ROBO1: variants seen among roughly 807,000 people sequenced by gnomAD.
ROBO1 encodes roundabout homolog 1.
A neutral mutation model predicts 195.9 loss-of-function variants in ROBO1; 149 were observed. The ratio of observed to expected loss-of-function variants is 0.76; its 90% CI spans 0.67 to 0.87. ROBO1 has a LOEUF of 0.87. Ranked by LOEUF, ROBO1 falls within the 40% of genes least tolerant of loss-of-function variation. The pLI, the probability that ROBO1 is intolerant of heterozygous loss-of-function variation, is 0.00. For synonymous variants in ROBO1, 816 were observed against 733.2 expected, an observed-to-expected ratio of 1.11 and a Z score of -1.82; for missense variants, 1,933 against 2,068.3, an observed-to-expected ratio of 0.93 and a Z score of 1.27.
chr3:78,647,721 T>C, intron 19 of ROBO1, 66 bp from the exon 20 acceptor site: 1 of 1,293,404 alleles, frequency 7.7e-7, no homozygotes, highest in Non-Finnish European at 1.1e-6. Flanking sequence ...CATATCACAT[T>C]AGTATAAATC....
chr3:78,672,910 G>A (rs899081757), intron 10 of ROBO1, among the ~76,000 whole-genome samples: 1 of 152,148 alleles, frequency 6.6e-6, no homozygotes, highest in Non-Finnish European at 1.5e-5. Flanking sequence ...GTCAGAAAAT[G>A]TTAGCACCAT....
At chr3:79,665,146 C>A (rs563929370) in intron 1 of ROBO1, among the ~76,000 whole-genome samples, 3 of 151,818 alleles carry the variant, frequency 2.0e-5, no homozygotes, top group East Asian at 3.9e-4. Flanking sequence ...ATTATAATAA[C>A]ACATCAGAGG....
intron 2 of ROBO1, among the ~76,000 whole-genome samples, chr3:79,341,164 A>G (rs34548430): frequency 0.016 from 2,375 of 152,334 alleles, 19 homozygotes; most frequent in Non-Finnish European, 0.024. Flanking sequence ...ATCTGATTGT[A>G]CTGAATGAAC....
chr3:79,384,749 A>G (rs982819176), intron 2 of ROBO1, among the ~76,000 whole-genome samples: 3 of 152,052 alleles, frequency 2.0e-5, no homozygotes, highest in African/African-American at 7.2e-5. Context: ...TACACACATA[A>G]GCACACACAC....
At chr3:79,253,537 G>C (rs2082771301) in intron 2 of ROBO1, among the ~76,000 whole-genome samples, 1 of 152,174 alleles carries the variant, frequency 6.6e-6, no homozygotes, top group Non-Finnish European at 1.5e-5. Context: ...AGCAAATAGT[G>C]GGTGCCTACT....
chr3:78,881,295 G>A (rs916511916), intron 4 of ROBO1, among the ~76,000 whole-genome samples: 2 of 152,094 alleles, frequency 1.3e-5, no homozygotes, highest in African/African-American at 4.8e-5. Flanking sequence ...GTGTGTTACG[G>A]AGCCCCTCTT....
chr3:79,110,978 G>GT (rs1386057076), intron 3 of ROBO1, among the ~76,000 whole-genome samples: 1 of 152,042 alleles, frequency 6.6e-6, no homozygotes, highest in Non-Finnish European at 1.5e-5. Context: ...ACACTACAGT[G>GT]TCATAATATA....
intron 2 of ROBO1, among the ~76,000 whole-genome samples, chr3:79,251,057 TCAA>T (rs945436555): frequency 2.0e-5 from 3 of 151,960 alleles, no homozygotes; most frequent in South Asian, 2.1e-4. Context: ...CCAAACTGTC[TCAA>T]CAACAACAAC....
chr3:79,587,981 A>C (rs1943881236), intron 2 of ROBO1, among the ~76,000 whole-genome samples: 1 of 151,742 alleles, frequency 6.6e-6, no homozygotes, highest in Admixed American at 6.6e-5. Context: ...GTCCTGAAAA[A>C]AAAGGCATCT....
In ROBO1 at chr3:78,973,682, A is replaced by C. The variant is rs2076824358; in HGVS notation, c.173-34755T>G. On this transcript the variant is annotated intron_variant, in intron 3 of 30. Transcript: ENST00000464233. Reference sequence around the variant, plus strand: ...TATATACTTCCAAGCATACAAGGCAATTAAATAAATTCTGGCATACTTTTC... The same window carrying C: ...TATATACTTCCAAGCATACAAGGCACTTAAATAAATTCTGGCATACTTTTC... Among the ~76,000 whole-genome samples the C allele has an allele frequency of 2.0e-5, 3 of 150,888 alleles. No individual in the cohort carries two copies. The South Asian group carries it at 6.3e-4, about 31-fold the overall frequency.
chr3:79,234,239 C>T (rs1181966508), intron 2 of ROBO1, among the ~76,000 whole-genome samples: 2 of 152,044 alleles, frequency 1.3e-5, no homozygotes, highest in African/African-American at 4.8e-5. Flanking sequence ...CTTTTGAAGA[C>T]TTAGCCATAA....
chr3:79,276,007 C>T (rs1316577403), intron 2 of ROBO1, among the ~76,000 whole-genome samples: 1 of 151,870 alleles, frequency 6.6e-6, no homozygotes, highest in Non-Finnish European at 1.5e-5. Flanking sequence ...ATTCCATGTT[C>T]ATTGACTAAA....
chr3:79,575,469 C>CATATATAAATATATATAACAA (rs1560007971), intron 2 of ROBO1, among the ~76,000 whole-genome samples: 2 of 110,776 alleles, frequency 1.8e-5, no homozygotes, highest in Admixed American at 9.6e-5. Flanking sequence ...ATAACAAATA[C>CATATATAAATATATATAACAA]ATATATAAAT....
At chr3:79,726,256 T>C (rs1702920549) in intron 1 of ROBO1, among the ~76,000 whole-genome samples, 1 of 152,224 alleles carries the variant, frequency 6.6e-6, no homozygotes, top group Non-Finnish European at 1.5e-5. Flanking sequence ...AAGGATGTTC[T>C]GGCTGTTAAT....
At chr3:79,193,679 A>G (rs905432573) in intron 2 of ROBO1, among the ~76,000 whole-genome samples, 2 of 145,112 alleles carry the variant, frequency 1.4e-5, no homozygotes, top group African/African-American at 5.1e-5. Context: ...TGATTTTAGG[A>G]TACATTTCTA....
At chr3:79,104,528 T>G (rs762230785) in intron 3 of ROBO1, among the ~76,000 whole-genome samples, 2 of 151,764 alleles carry the variant, frequency 1.3e-5, no homozygotes, top group Non-Finnish European at 2.9e-5. Context: ...TAGCACCTTC[T>G]GATTTTTTTT....
chr3:78,760,867 C>T (rs115708638), intron 4 of ROBO1, among the ~76,000 whole-genome samples: 5,253 of 152,142 alleles, frequency 0.035, 320 homozygotes, highest in African/African-American at 0.12. Flanking sequence ...GTCTTGAACT[C>T]CTAGCCTCAA....
chr3:79,631,059 A>C (rs2108023816), intron 1 of ROBO1, among the ~76,000 whole-genome samples: 1 of 152,128 alleles, frequency 6.6e-6, no homozygotes, highest in African/African-American at 2.4e-5. Flanking sequence ...TTTTACATAT[A>C]GGTAAAATAC....
At position 79,102,859 on chromosome 3, in the gene ROBO1, C is replaced by T. The variant is rs575700879; in HGVS notation, c.172+22597G>A. On this transcript the variant is annotated intron_variant, in intron 3 of 30. Transcript: ENST00000464233. ...TGGTCATTATTTTTAGATTTTCTTTCAAGGAGCTTTTTATGATTCTTCTAA... is the reference window on the plus strand; with the variant it reads ...TGGTCATTATTTTTAGATTTTCTTTTAAGGAGCTTTTTATGATTCTTCTAA... 1.6e-3 allele frequency among the ~76,000 whole-genome samples: 244 copies of T among 151,742 alleles called. 2 individuals are homozygous for T. The highest frequency in any genetic ancestry group is 5.4e-3 in the African/African-American group (222 of 41,438).
Sources: allele counts gnomAD v4.1 joint callset (sites outside exome capture counted in the v4.1 genomes callset), GRCh38; gene constraint gnomAD v4.1.1; transcripts MANE v1.5; gene names NCBI Gene and HGNC (gene_info 2026-07-23, HGNC 2026-07-21).